Variants in DEF6 observed in about 807,000 individuals in gnomAD.
DEF6 encodes DEF6 guanine nucleotide exchange factor, also known as differentially expressed in FDCP 6 homolog.
A neutral mutation model predicts 80.5 loss-of-function variants in DEF6; 32 were observed. The ratio of observed to expected loss-of-function variants is 0.40; its 90% CI spans 0.30 to 0.53. DEF6 has a LOEUF of 0.53. Among genes scored for constraint, DEF6 ranks in the 20% least tolerant of loss-of-function variants. The pLI is 0.57. For missense variants in DEF6, 575 were observed against 818.7 expected, an observed-to-expected ratio of 0.70 and a Z score of 3.63; for synonymous variants, 300 against 337.9, an observed-to-expected ratio of 0.89 and a Z score of 1.23.
chr6:35,302,898 G>C (rs975451500), intron 1 of DEF6, among the ~76,000 whole-genome samples: 9 of 152,120 alleles, frequency 5.9e-5, no homozygotes, highest in South Asian at 4.1e-4. Flanking sequence ...TCCTCTCTCT[G>C]AGCCTTGATT....
chr6:35,315,820 AACT>A (rs1166137303), intron 5 of DEF6, among the ~76,000 whole-genome samples: 2 of 148,226 alleles, frequency 1.3e-5, no homozygotes, highest in Non-Finnish European at 3.0e-5. Context: ...TTCATTCATC[AACT>A]CTAACGGTTT....
intron 1 of DEF6, among the ~76,000 whole-genome samples, chr6:35,305,398 G>A (rs1178161927): frequency 6.6e-6 from 1 of 152,116 alleles, no homozygotes; most frequent in African/African-American, 2.4e-5. Flanking sequence ...GTTGAAGTGG[G>A]AGGATCGCTT....
rs1408735196 is a variant in DEF6 at position 35,312,371 on chromosome 6, C to T, written c.493C>T (p.Leu165Phe). 3 of 1,614,062 alleles carry T rather than the reference C, an allele frequency of 1.9e-6. No homozygotes were observed. Among genetic ancestry groups the T allele is most frequent in the Non-Finnish European group, 1.7e-6 (2 of 1,180,038 alleles). ...GGTGAGCTTGGGTGAGCTGGAGGAG[C>T]TTCTGGCCCAGGAGGCCCAGGTGGC... ...LEVSLGELEE[L>F]LAQEAQVAQT... Residue 165 changes from leucine to phenylalanine, a missense_variant, in exon 4 of 11, where the codon CTT becomes TTT. Coordinates refer to ENST00000316637, the MANE Select transcript of DEF6 (RefSeq NM_022047.4). The surrounding 1 kb of genome is among the most constrained non-coding windows in gnomAD (Gnocchi z 6.6).
chr6:35,314,225 T>C (rs1332174918), intron 5 of DEF6, among the ~76,000 whole-genome samples: 1 of 152,000 alleles, frequency 6.6e-6, no homozygotes, highest in Non-Finnish European at 1.5e-5. Flanking sequence ...CTGGCCAACA[T>C]GGTGAGACCC....
rs910725021 is a variant in DEF6, at chr6:35,319,467, C to T, written c.1216-57C>T. The T allele has an allele frequency of 1.6e-5, 23 of 1,422,748 alleles. No homozygotes were observed. The highest frequency in any genetic ancestry group is 9.3e-5 in the East Asian group (4 of 42,884). The allele number at this position is 1,422,748 out of a possible 1,614,324, so 88.1% of individuals were successfully genotyped here. A position where few individuals can be genotyped will look rare whatever the true frequency, so the allele number is the denominator to read the frequency against. Reference sequence around the variant, plus strand: ...GCAACATGCCCACCCCCTCCTCCTCCGCCCCCACGTGCCCCTTTTGACCTG... The same window carrying T: ...GCAACATGCCCACCCCCTCCTCCTCTGCCCCCACGTGCCCCTTTTGACCTG... On this transcript the variant is annotated intron_variant, in intron 7 of 10. Transcript: ENST00000316637. This position sits in a 1 kb window ranked among gnomAD's most constrained non-coding sequence, Gnocchi z 4.5.
intron 1 of DEF6, among the ~76,000 whole-genome samples, chr6:35,302,995 ACTC>A (rs1791335426): frequency 6.6e-6 from 1 of 150,828 alleles, no homozygotes; most frequent in Admixed American, 6.6e-5. Flanking sequence ...CCTGCTCACA[ACTC>A]CTCTGTCACT....
intron 5 of DEF6, among the ~76,000 whole-genome samples, chr6:35,313,756 A>C (rs1791494713): frequency 6.6e-6 from 1 of 152,200 alleles, no homozygotes; most frequent in South Asian, 2.1e-4. Flanking sequence ...CTATGGTGCC[A>C]TCTATGTTGT....
chr6:35,321,383 T>C lies in DEF6; in HGVS notation c.1869T>C (p.Asp623=), dbSNP rs1376123375. The C allele has an allele frequency of 4.3e-6, 7 of 1,613,808 alleles. No individual in the cohort carries two copies. Among genetic ancestry groups the C allele is most frequent in the African/African-American group, 4.0e-5 (3 of 74,920 alleles). ...CCCCGGCTTCCACCCCTCAGGAAGA[T>C]AAACTGGATCCAGCACCAGAAAATT... ...APAPASTPQE[D]KLDPAPEN Residue 623 remains aspartate (D), a synonymous_variant, in exon 11 of 11, where the codon GAT becomes GAC. Coordinates refer to ENST00000316637, the MANE Select transcript of DEF6 (RefSeq NM_022047.4).
rs1791551881 is a variant in DEF6 at position 35,318,596 on chromosome 6, G to A, written c.1215+125G>A. The A allele has an allele frequency of 5.3e-6, 5 of 943,302 alleles. No homozygotes were observed. Among genetic ancestry groups the A allele is most frequent in the Non-Finnish European group, 7.1e-6 (5 of 704,878 alleles). 58.4% of individuals were successfully genotyped at this position (943,302 alleles called of 1,614,324 possible). On this transcript the variant is annotated intron_variant, in intron 7 of 10. Transcript: ENST00000316637. The surrounding 1 kb of genome is among the most constrained non-coding windows in gnomAD (Gnocchi z 5.1). ...TGGGTTGAGGGGCGTGCACTGGGGT[G>A]GAGCTTGAAATGAGGGATTGTTGGG...
At chr6:35,302,604 A>T (rs1034404335) in intron 1 of DEF6, among the ~76,000 whole-genome samples, 8 of 152,158 alleles carry the variant, frequency 5.3e-5, no homozygotes, top group African/African-American at 1.9e-4. Context: ...CAGAGGAAAG[A>T]GTGAATAGAT....
chr6:35,313,293 C>G, intron 5 of DEF6: 1 of 424,052 alleles, frequency 2.4e-6, no homozygotes, highest in Middle Eastern at 3.5e-4. Flanking sequence ...CTATTTTAAG[C>G]GTACAATTCA....
intron 1 of DEF6, among the ~76,000 whole-genome samples, chr6:35,301,727 CTTTT>C (rs71538302): frequency 7.6e-6 from 1 of 131,748 alleles, no homozygotes; most frequent in Non-Finnish European, 1.6e-5. Context: ...GGAGCTGTGT[CTTTT>C]TTTTTTTTTT....
Position 35,321,440 on chromosome 6 carries a change from T to A in DEF6, c.*30T>A. 6.3e-7 allele frequency: 1 copy of A among 1,592,038 alleles called. No individual in the cohort carries two copies. Among genetic ancestry groups the A allele is most frequent in the Non-Finnish European group, 8.6e-7 (1 of 1,162,464 alleles). ...TCTTAGCCCCTTGTTCTTCCCAATG[T>A]CATATCCACCAGGACCTGGCCACAG... On this transcript the variant is annotated 3_prime_UTR_variant, in exon 11 of 11. Transcript: ENST00000316637.
At chr6:35,317,091 G>A (rs1791531764) in intron 5 of DEF6, among the ~76,000 whole-genome samples, 1 of 150,918 alleles carries the variant, frequency 6.6e-6, no homozygotes, top group African/African-American at 2.4e-5. Context: ...CAGTGTGTGA[G>A]GATCTCAGTT....
intron 1 of DEF6, among the ~76,000 whole-genome samples, chr6:35,302,186 AC>A (rs2150384758): frequency 6.6e-6 from 1 of 151,918 alleles, no homozygotes; most frequent in East Asian, 1.9e-4. Flanking sequence ...GCATAGCAAG[AC>A]CCCAACTCTA....
At chr6:35,314,587 A>G (rs1293123315) in intron 5 of DEF6, among the ~76,000 whole-genome samples, 4 of 151,940 alleles carry the variant, frequency 2.6e-5, no homozygotes, top group African/African-American at 9.7e-5. Context: ...ATCTATTCAG[A>G]TCTTTTGCCC....
chr6:35,318,477 G>A lies in DEF6; in HGVS notation c.1215+6G>A, dbSNP rs1791549562. On this transcript the variant is annotated splice_donor_region_variant and intron_variant, in intron 7 of 10. Transcript: ENST00000316637. This position sits in a 1 kb window ranked among gnomAD's most constrained non-coding sequence, Gnocchi z 5.1. The stretch of plus-strand genomic sequence containing the variant: ...AACTGCGCGAGGCGGAGCAGGTGGG[G>A]TTAGCTCCCGGCGCCGGGGACGGGA... 4 of 1,395,258 alleles carry A rather than the reference G, an allele frequency of 2.9e-6. No individual in the cohort carries two copies. Among genetic ancestry groups the A allele is most frequent in the Non-Finnish European group, 3.7e-6 (4 of 1,083,840 alleles). The allele number at this position is 1,395,258 out of a possible 1,614,324, so 86.4% of individuals were successfully genotyped here. A position where few individuals can be genotyped will look rare whatever the true frequency, so the allele number is the denominator to read the frequency against.
At chr6:35,316,643 G>A (rs1242288685) in intron 5 of DEF6, among the ~76,000 whole-genome samples, 1 of 152,128 alleles carries the variant, frequency 6.6e-6, no homozygotes, top group African/African-American at 2.4e-5. Context: ...CTTTTTCAGG[G>A]TCTATTGAAA....
chr6:35,319,880 C>A lies in DEF6; in HGVS notation c.1444C>A (p.Arg482Ser), dbSNP rs757628782. 6.3e-7 allele frequency: 1 copy of A among 1,582,906 alleles called. No homozygotes were observed. The highest frequency in any genetic ancestry group is 2.3e-5 in the East Asian group (1 of 43,278). The stretch of plus-strand genomic sequence containing the variant: ...GATGCAGCTGAAGGAGGAGCAGGAG[C>A]GCTACATCGAACGGGCGCAGCAGGA... ...QLMQLKEEQERYIERAQQEKE... is the reference protein window; with the variant it reads ...QLMQLKEEQESYIERAQQEKE... Residue 482 changes from arginine to serine, a missense_variant, in exon 9 of 11, where the codon CGC becomes AGC. By Grantham distance (110) the Arg-to-Ser change is moderately radical. Coordinates refer to ENST00000316637, the MANE Select transcript of DEF6 (RefSeq NM_022047.4). The surrounding 1 kb of genome is among the most constrained non-coding windows in gnomAD (Gnocchi z 4.5).
Sources: allele counts gnomAD v4.1 joint callset (sites outside exome capture counted in the v4.1 genomes callset), GRCh38; gene constraint gnomAD v4.1.1; non-coding constraint Gnocchi (gnomAD v3.1); transcripts MANE v1.5; gene names NCBI Gene and HGNC (gene_info 2026-07-23, HGNC 2026-07-21).